ERAP1: variants seen among roughly 807,000 people sequenced by gnomAD.
The protein encoded by ERAP1 is endoplasmic reticulum aminopeptidase 1.
Under a neutral mutation model 103.7 loss-of-function variants are expected in ERAP1, and 86 were observed. The observed-to-expected ratio is 0.83, with a 90% confidence interval of 0.70 to 0.99. The LOEUF (loss-of-function observed/expected upper bound fraction) is 0.99. Among genes scored for constraint, ERAP1 ranks in the 50% least tolerant of loss-of-function variants. The pLI, the probability that ERAP1 is intolerant of heterozygous loss-of-function variation, is 0.00. For missense variants in ERAP1, 1,009 were observed against 1,128.4 expected, an observed-to-expected ratio of 0.89 and a Z score of 1.52; for synonymous variants, 398 against 402.4, an observed-to-expected ratio of 0.99 and a Z score of 0.13.
At chr5:96,803,063 C>T (rs1561289790) in intron 2 of ERAP1, among the ~76,000 whole-genome samples, 2 of 152,052 alleles carry the variant, frequency 1.3e-5, no homozygotes. Flanking sequence ...TTGTTTATAG[C>T]TACCCAGTCT....
chr5:96,912,753 T>G, the ERAP1 span: 18 of 1,600,476 alleles, frequency 1.1e-5, no homozygotes, highest in Non-Finnish European at 1.4e-5. Flanking sequence ...CAAAACAAAA[T>G]TCTGTATGCT....
the ERAP1 span, among the ~76,000 whole-genome samples, chr5:96,914,129 G>GTC: frequency 2.3e-3 from 335 of 146,870 alleles, no homozygotes; most frequent in Non-Finnish European, 3.6e-3. Context: ...ATTGCTTTCT[G>GTC]TCTCTCTCTC....
chr5:96,790,327 C>T lies in ERAP1; in HGVS notation c.1493G>A (p.Cys498Tyr), dbSNP rs766619376. 9.3e-6 allele frequency: 15 copies of T among 1,614,076 alleles called. No homozygotes were observed. The highest frequency in any genetic ancestry group is 1.1e-5 in the Non-Finnish European group (13 of 1,180,000). ...TGAAGATGAATGTTGACTTCTAGAG[C>T]AAAAGCCATCCATCCCTTTTACACC... ...TDGVKGMDGFCSRSQHSSSSS... is the reference protein window; with the variant it reads ...TDGVKGMDGFYSRSQHSSSSS... The change falls in exon 10 of 19, where the codon TGC (cysteine) becomes TAC (tyrosine). Residue 498 changes from cysteine (C) to tyrosine (Y), a missense_variant. Cys to Tyr is a radical substitution (Grantham distance 194). Transcript: ENST00000443439.
chr5:96,780,122 C>T (rs1039455145), intron 18 of ERAP1, among the ~76,000 whole-genome samples: 1 of 152,184 alleles, frequency 6.6e-6, no homozygotes, highest in African/African-American at 2.4e-5. Flanking sequence ...TCATTTATAC[C>T]TCAGTGCCCA....
At chr5:96,772,041 T>C (rs756924825), downstream of ERAP1, 2 of 177,108 alleles carry the variant, frequency 1.1e-5, no homozygotes, top group Non-Finnish European at 2.4e-5. Flanking sequence ...AAAATTAGCA[T>C]GTTACAACTT....
the ERAP1 span, chr5:96,903,258 C>G: frequency 6.7e-6 from 5 of 745,144 alleles, no homozygotes; most frequent in South Asian, 1.1e-4. Flanking sequence ...CATTATGACT[C>G]TCCCCAAACT....
At chr5:96,812,290 T>C (rs1473314191), upstream of ERAP1, among the ~76,000 whole-genome samples, 2 of 152,328 alleles carry the variant, frequency 1.3e-5, no homozygotes, top group East Asian at 3.9e-4. Flanking sequence ...AACCCACAAA[T>C]GTGTCTGGAT....
At chr5:96,902,450 A>T in the ERAP1 span, 2 of 701,754 alleles carry the variant, frequency 2.8e-6, no homozygotes, top group Non-Finnish European at 4.9e-6. Context: ...TCTAACAATA[A>T]AAGATTTATA....
the ERAP1 span, among the ~76,000 whole-genome samples, chr5:96,851,164 A>T: frequency 6.6e-6 from 1 of 152,232 alleles, no homozygotes; most frequent in Non-Finnish European, 1.5e-5. Context: ...ATGTTTAATT[A>T]GTGCTTCATA....
At chr5:96,848,981 A>T in the ERAP1 span, among the ~76,000 whole-genome samples, 2 of 152,248 alleles carry the variant, frequency 1.3e-5, no homozygotes, top group Non-Finnish European at 2.9e-5. Context: ...ACATATGCAA[A>T]TCATAAATGT....
chr5:96,810,176 A>G (rs988703301), upstream of ERAP1, among the ~76,000 whole-genome samples: 2 of 152,232 alleles, frequency 1.3e-5, no homozygotes, highest in Admixed American at 6.5e-5. Flanking sequence ...ACAAAGAGCG[A>G]TAAGTCAGAG....
At chr5:96,804,241 A>G in intron 1 of ERAP1, 1 of 407,862 alleles carries the variant, frequency 2.5e-6, no homozygotes, top group South Asian at 2.2e-5. Flanking sequence ...GCTCTGGCTG[A>G]TATAGGCAGA....
the ERAP1 span, among the ~76,000 whole-genome samples, chr5:96,895,706 A>C: frequency 6.6e-6 from 1 of 152,212 alleles, no homozygotes; most frequent in South Asian, 2.1e-4. Context: ...CTCGGCATGT[A>C]ACCTGAAATC....
At position 96,780,617 on chromosome 5, in the gene ERAP1, A is replaced by T. The variant is rs1295139480; in HGVS notation, c.2589-113T>A. On this transcript the variant is annotated intron_variant, in intron 17 of 18. Coordinates refer to ENST00000443439, the MANE Select transcript of ERAP1 (RefSeq NM_001040458.3). ...AGCTAAAAACTGATCGGTGTGAAAA[A>T]TACAAAATATGATGTCTATCCAATG... 7.3e-6 allele frequency: 6 copies of T among 817,714 alleles called. No individual in the cohort carries two copies. In the East Asian group the frequency reaches 1.6e-4, roughly 22 times the overall value. 50.7% of individuals were successfully genotyped at this position (817,714 alleles called of 1,614,324 possible).
chr5:96,844,522 C>T, the ERAP1 span, among the ~76,000 whole-genome samples: 7 of 152,276 alleles, frequency 4.6e-5, no homozygotes, highest in South Asian at 2.1e-4. Context: ...ATAATATGGT[C>T]GCTCGTTAAT....
chr5:96,788,711 A>C (rs372418940), intron 10 of ERAP1, 26 bp from the exon 11 acceptor site: 8 of 1,612,016 alleles, frequency 5.0e-6, no homozygotes, highest in Non-Finnish European at 6.8e-6. Context: ...AAAGGCAGAC[A>C]CATCACCCAT....
At chr5:96,845,237 CT>C in the ERAP1 span, among the ~76,000 whole-genome samples, 43,261 of 150,466 alleles carry the variant, frequency 0.29, 6,209 homozygotes, top group East Asian at 0.33. Flanking sequence ...TATGTTGCAA[CT>C]TTTTTTTTTC....
At chr5:96,790,002 G>A (rs1166440896) in intron 10 of ERAP1, among the ~76,000 whole-genome samples, 1 of 152,186 alleles carries the variant, frequency 6.6e-6, no homozygotes, top group East Asian at 1.9e-4. Context: ...CTGCTACAAT[G>A]CAGCTGTAAT....
chr5:96,912,181 T>C, the ERAP1 span, among the ~76,000 whole-genome samples: 9 of 114,142 alleles, frequency 7.9e-5, no homozygotes, highest in African/African-American at 2.8e-4. Context: ...ACAGTGAGAC[T>C]CCACCTCAAA....
Sources: allele counts gnomAD v4.1 joint callset (sites outside exome capture counted in the v4.1 genomes callset), GRCh38; gene constraint gnomAD v4.1.1; transcripts MANE v1.5; gene names NCBI Gene and HGNC (gene_info 2026-07-23, HGNC 2026-07-21).